Variants in PCSK5 observed in about 807,000 individuals in gnomAD.
PCSK5 encodes the protein prohormone convertase 5.
A neutral mutation model predicts 233.2 loss-of-function variants in PCSK5; 129 were observed. The observed-to-expected ratio is 0.55, with a 90% confidence interval of 0.48 to 0.64. PCSK5 has a LOEUF of 0.64. Ranked by LOEUF, PCSK5 falls within the 30% of genes least tolerant of loss-of-function variation. PCSK5 has a pLI of 0.00. For synonymous variants in PCSK5, 825 were observed against 879.2 expected (o/e 0.94, Z 1.09); for missense variants, 2,076 against 2,430.1 (o/e 0.85, Z 3.06).
Position 76,040,035 on chromosome 9 carries a change from T to A in PCSK5, c.632+12998T>A, listed in dbSNP as rs568732769. 3.3e-5 allele frequency among the ~76,000 whole-genome samples: 5 copies of A among 152,344 alleles called. No homozygotes were observed. The South Asian group carries it at 8.3e-4, about 25-fold the overall frequency. The stretch of plus-strand genomic sequence containing the variant: ...GAGTTTTACAGTTCACAAAGTACTT[T>A]TACATTTATGCCCACATCACTTGTA... On this transcript the variant is annotated intron_variant, in intron 5 of 37. Coordinates refer to ENST00000674117, the MANE Select transcript of PCSK5 (RefSeq NM_001372043.1).
chr9:76,227,536 C>A lies in PCSK5; in HGVS notation c.2660C>A (p.Thr887Asn), dbSNP rs1825935708. 2 of 1,612,020 alleles carry A rather than the reference C, an allele frequency of 1.2e-6. No individual in the cohort carries two copies. The highest frequency in any genetic ancestry group is 1.7e-6 in the Non-Finnish European group (2 of 1,179,476). Residue 887 changes from threonine (T) to asparagine (N), a missense_variant, in exon 21 of 38, where the codon ACC (threonine) becomes AAC (asparagine). This residue lies in a region of PCSK5 where 1,510 missense variants were observed against 1,538.1 expected (regional missense o/e 0.98). Coordinates refer to ENST00000674117, the MANE Select transcript of PCSK5 (RefSeq NM_001372043.1). Reference protein sequence around the residue: ...EYVDEHGHCQTCEASCAKCQG... With the variant: ...EYVDEHGHCQNCEASCAKCQG... ...GTTGATGAGCATGGCCACTGCCAGA[C>A]CTGTGAGGCCTCATGTGCCAAGTGC...
At chr9:76,014,731 A>G (rs961121719) in intron 3 of PCSK5, among the ~76,000 whole-genome samples, 4 of 152,176 alleles carry the variant, frequency 2.6e-5, no homozygotes, top group African/African-American at 4.8e-5. Flanking sequence ...TAGAATAATC[A>G]ACAACCCCAT....
intron 10 of PCSK5, among the ~76,000 whole-genome samples, chr9:76,142,256 G>A (rs1823260347): frequency 6.6e-6 from 1 of 151,480 alleles, no homozygotes; most frequent in South Asian, 2.1e-4. Flanking sequence ...CTTTTCCATG[G>A]AACATTTTAT....
intron 4 of PCSK5, among the ~76,000 whole-genome samples, chr9:76,024,109 A>G (rs1454786448): frequency 6.6e-6 from 1 of 152,200 alleles, no homozygotes; most frequent in Non-Finnish European, 1.5e-5. Context: ...AAAGAAAGCA[A>G]TAAGGTAGCA....
chr9:76,358,504 T>C lies in PCSK5; in HGVS notation c.5255-9T>C, dbSNP rs779336126. The C allele has an allele frequency of 1.1e-5, 17 of 1,604,362 alleles. No individual in the cohort carries two copies. In the Admixed American group the frequency reaches 2.7e-4, roughly 25 times the overall value. On this transcript the variant is annotated splice_polypyrimidine_tract_variant and intron_variant, in intron 37 of 37. Coordinates refer to ENST00000674117, the MANE Select transcript of PCSK5 (RefSeq NM_001372043.1). ...TCTTGCCTCTTCCTTTGAGGTCTTCTTCCAACAGACGAATGCATCCTTCGA... is the reference window on the plus strand; with the variant it reads ...TCTTGCCTCTTCCTTTGAGGTCTTCCTCCAACAGACGAATGCATCCTTCGA...
chr9:76,297,616 G>T (rs902204581), intron 27 of PCSK5, among the ~76,000 whole-genome samples: 4 of 152,186 alleles, frequency 2.6e-5, no homozygotes, highest in African/African-American at 4.8e-5. Flanking sequence ...TGTGACCGAG[G>T]TGGTTAAAAA....
Position 75,930,368 on chromosome 9 carries a change from G to T in PCSK5, c.193-2011G>T, listed in dbSNP as rs116960201. 9.3e-4 allele frequency among the ~76,000 whole-genome samples: 141 copies of T among 152,322 alleles called. 3 individuals carry two copies. In the East Asian group the frequency reaches 0.024, roughly 26 times the overall value. ...GTCAGTGTGATTTGAGGTGAGGCCA[G>T]AGAGAGGCTGGGCCAGACCACACAG... On this transcript the variant is annotated intron_variant, in intron 1 of 37. Transcript: ENST00000674117.
intron 2 of PCSK5, among the ~76,000 whole-genome samples, chr9:75,970,929 AATTTT>A (rs1285358434): frequency 1.3e-5 from 2 of 151,914 alleles, no homozygotes; most frequent in Non-Finnish European, 2.9e-5. Context: ...TGGATAACTT[AATTTT>A]ATTTTAAGTT....
intron 37 of PCSK5, among the ~76,000 whole-genome samples, chr9:76,354,575 C>T (rs1297978381): frequency 6.6e-6 from 1 of 152,024 alleles, no homozygotes; most frequent in Non-Finnish European, 1.5e-5. Context: ...AGTCTAGGAG[C>T]TTGAGACCAG....
intron 3 of PCSK5, among the ~76,000 whole-genome samples, chr9:75,994,903 C>T (rs1243363370): frequency 6.6e-6 from 1 of 152,208 alleles, no homozygotes; most frequent in Non-Finnish European, 1.5e-5. Flanking sequence ...AAATGCATAC[C>T]ATTGCCTTGA....
intron 1 of PCSK5, among the ~76,000 whole-genome samples, chr9:75,904,955 A>G (rs1337272282): frequency 1.3e-5 from 2 of 152,186 alleles, no homozygotes; most frequent in Admixed American, 6.5e-5. Context: ...AATATTATGG[A>G]ATATTTTTTC....
chr9:76,266,444 C>A (rs751755578), intron 24 of PCSK5, among the ~76,000 whole-genome samples: 1 of 152,084 alleles, frequency 6.6e-6, no homozygotes, highest in Non-Finnish European at 1.5e-5. Flanking sequence ...TAAATGTGTG[C>A]CTATTTAATT....
chr9:76,183,341 T>C (rs1465753689), intron 16 of PCSK5, among the ~76,000 whole-genome samples: 3 of 152,206 alleles, frequency 2.0e-5, no homozygotes, highest in Admixed American at 6.5e-5. Context: ...CCTTATGTTA[T>C]AGTTTTCCTC....
chr9:76,120,718 G>A (rs555158396), intron 9 of PCSK5, among the ~76,000 whole-genome samples: 1 of 151,444 alleles, frequency 6.6e-6, no homozygotes, highest in Non-Finnish European at 1.5e-5. Flanking sequence ...AGCATCTGAT[G>A]ATAGTAATAC....
intron 36 of PCSK5, among the ~76,000 whole-genome samples, chr9:76,351,447 G>GAAAGGAAAGAAAAGAAAGAAA: frequency 3.6e-5 from 1 of 27,472 alleles, no homozygotes; most frequent in East Asian, 1.3e-3. Context: ...GTGAAAGAAA[G>GAAAGGAAAGAAAAGAAAGAAA]GAAAGAAAGA....
intron 24 of PCSK5, among the ~76,000 whole-genome samples, chr9:76,246,060 G>T (rs1016634043): frequency 6.6e-6 from 1 of 152,052 alleles, no homozygotes; most frequent in Non-Finnish European, 1.5e-5. Flanking sequence ...GAGGCCTGGC[G>T]CAGTGGCTCA....
intron 30 of PCSK5, among the ~76,000 whole-genome samples, chr9:76,314,068 C>G (rs1258981171): frequency 6.6e-6 from 1 of 152,208 alleles, no homozygotes; most frequent in African/African-American, 2.4e-5. Context: ...TTTTTCAACT[C>G]TCTCTTGGAT....
rs1259040344 is a variant in PCSK5 at position 76,227,622 on chromosome 9, G to T, written c.2729+17G>T. ...CATGACAAGGTAAGTGGCTTCTCAG[G>T]ATCTCCCGGTGGTGTGAGCTCATGG... On this transcript the variant is annotated intron_variant, in intron 21 of 37. Coordinates refer to ENST00000674117, the MANE Select transcript of PCSK5 (RefSeq NM_001372043.1). 6.5e-7 allele frequency: 1 copy of T among 1,532,416 alleles called. No homozygotes were observed. Among genetic ancestry groups the T allele is most frequent in the Admixed American group, 1.7e-5 (1 of 58,532 alleles). The allele number at this position is 1,532,416 out of a possible 1,614,324, so 94.9% of individuals were successfully genotyped here.
chr9:75,980,447 A>T (rs549827769), intron 2 of PCSK5, among the ~76,000 whole-genome samples: 1 of 152,278 alleles, frequency 6.6e-6, no homozygotes, highest in East Asian at 1.9e-4. Context: ...TCATGACCAG[A>T]TGTTTTCTCT....
Sources: allele counts gnomAD v4.1 joint callset (sites outside exome capture counted in the v4.1 genomes callset), GRCh38; gene constraint gnomAD v4.1.1; regional missense constraint gnomAD v4.1.1; transcripts MANE v1.5; gene names NCBI Gene and HGNC (gene_info 2026-07-23, HGNC 2026-07-21).